FCSK: variants seen among roughly 807,000 people sequenced by gnomAD.
FCSK encodes fucose kinase, also known as L-fucose kinase.
FCSK carries 123 observed loss-of-function variants against 122.5 expected under a neutral mutation model. The observed-to-expected ratio is 1.00, with a 90% CI of 0.87 to 1.17. FCSK has a LOEUF of 1.17. Ranked by LOEUF, FCSK falls within the 50% of genes most tolerant of loss-of-function variation. The pLI is 0.00. For missense variants in FCSK, 1,366 were observed against 1,450.4 expected (o/e 0.94, Z 0.95); for synonymous variants, 620 against 625.5 (o/e 0.99, Z 0.13).
At chr16:70,467,255 G>A (rs930090415) in intron 6 of FCSK, 119 bp from the exon 7 acceptor site, 14 of 686,180 alleles carry the variant, frequency 2.0e-5, no homozygotes, top group Admixed American at 5.7e-5. Context: ...CTTGGAAACC[G>A]TATTTCCCTT....
At position 70,478,254 on chromosome 16, in the gene FCSK, C is replaced by T; in HGVS notation, c.2642-18C>T. Reference sequence around the variant, plus strand: ...TGGGCCAGATAGACTCCAACAGTGACAGTCCCTGGGCTCACAGGAGGTGGC... The same window carrying T: ...TGGGCCAGATAGACTCCAACAGTGATAGTCCCTGGGCTCACAGGAGGTGGC... On this transcript the variant is annotated intron_variant, in intron 20 of 23. Coordinates refer to ENST00000288078, the MANE Select transcript of FCSK (RefSeq NM_145059.3). 1.9e-6 allele frequency: 3 copies of T among 1,612,190 alleles called. No homozygotes were observed. The highest frequency in any genetic ancestry group is 2.5e-6 in the Non-Finnish European group (3 of 1,179,114).
chr16:70,460,519 C>G (rs1035014559), intron 1 of FCSK, among the ~76,000 whole-genome samples: 2 of 152,028 alleles, frequency 1.3e-5, no homozygotes, highest in East Asian at 1.9e-4. Flanking sequence ...ATTATTCTGA[C>G]TCAGCCTCCT....
chr16:70,478,533 C>T lies in FCSK; in HGVS notation c.2830-18C>T. The T allele has an allele frequency of 6.2e-7, 1 of 1,613,434 alleles. No homozygotes were observed. The highest frequency in any genetic ancestry group is 8.5e-7 in the Non-Finnish European group (1 of 1,179,798). On this transcript the variant is annotated intron_variant, in intron 21 of 23. Transcript: ENST00000288078. ...TGGGCCTGGGTCCTCACCACCCCTT[C>T]TCCTGCCCCGTCCGCAGGATGTGCT...
chr16:70,474,993 T>C lies in FCSK; in HGVS notation c.2359T>C (p.Cys787Arg), dbSNP rs757089566. 2 of 1,605,056 alleles carry C rather than the reference T, an allele frequency of 1.2e-6. No homozygotes were observed. The highest frequency in any genetic ancestry group is 1.1e-5 in the South Asian group (1 of 89,866). ...CRCLADLRDY[C>R]QPHAPGALLK... Reference sequence around the variant, plus strand: ...GTGCCTGGCTGACCTGCGGGACTACTGCCAGCCTCATGCCCCAGGTCAGGC... The same window carrying C: ...GTGCCTGGCTGACCTGCGGGACTACCGCCAGCCTCATGCCCCAGGTCAGGC... The change falls in exon 18 of 24, where the codon TGC (cysteine) becomes CGC (arginine). Residue 787 changes from cysteine (C) to arginine (R), a missense_variant. Transcript: ENST00000288078.
chr16:70,466,120 C>T lies in FCSK; in HGVS notation c.286-12C>T, dbSNP rs754566505. 4 of 1,612,968 alleles carry T rather than the reference C, an allele frequency of 2.5e-6. No homozygotes were observed. In the South Asian group the frequency reaches 3.3e-5, roughly 13 times the overall value. On this transcript the variant is annotated splice_polypyrimidine_tract_variant and intron_variant, in intron 4 of 23. Coordinates refer to ENST00000288078, the MANE Select transcript of FCSK (RefSeq NM_145059.3). ...TGCACTGAGGCTTCCTCACCAGTCC[C>T]CCGACTTCCAGGGTCGAGACTTCCC...
At chr16:70,462,608 A>G (rs2048300503) in intron 1 of FCSK, among the ~76,000 whole-genome samples, 1 of 147,900 alleles carries the variant, frequency 6.8e-6, no homozygotes, top group Non-Finnish European at 1.5e-5. Context: ...TTACAGATGT[A>G]AGCTACTATA....
Position 70,473,305 on chromosome 16 carries a change from G to A in FCSK, c.1729G>A (p.Ala577Thr). Residue 577 changes from alanine (A) to threonine (T), a missense_variant, in exon 15 of 24, where the codon GCT becomes ACT. Ala to Thr is a moderately conservative substitution (Grantham distance 58). Transcript: ENST00000288078. This position sits in a 1 kb window ranked among gnomAD's most constrained non-coding sequence, Gnocchi z 4.9. ...DLSLRPLIWA[A>T]VREGCPGPLL... Reference sequence around the variant, plus strand: ...CAGCCTGCGCCCGCTGATCTGGGCTGCTGTCCGCGAGGGCTGCCCCGGGCC... The same window carrying A: ...CAGCCTGCGCCCGCTGATCTGGGCTACTGTCCGCGAGGGCTGCCCCGGGCC... 6.6e-7 allele frequency: 1 copy of A among 1,523,712 alleles called. No homozygotes were observed. The highest frequency in any genetic ancestry group is 8.8e-7 in the Non-Finnish European group (1 of 1,134,870). The allele number at this position is 1,523,712 out of a possible 1,614,324, so 94.4% of individuals were successfully genotyped here.
In FCSK at chr16:70,472,534, C is replaced by A; in HGVS notation, c.1342-7C>A. Reference sequence around the variant, plus strand: ...TGCAGCCCTGACTGCTTCTTCCTCTCCCCCAGAGACAGGGGGCAGGCACAT... The same window carrying A: ...TGCAGCCCTGACTGCTTCTTCCTCTACCCCAGAGACAGGGGGCAGGCACAT... On this transcript the variant is annotated splice_region_variant and splice_polypyrimidine_tract_variant and intron_variant, in intron 13 of 23. Transcript: ENST00000288078. 6.2e-7 allele frequency: 1 copy of A among 1,610,668 alleles called. No individual in the cohort carries two copies. The highest frequency in any genetic ancestry group is 8.5e-7 in the Non-Finnish European group (1 of 1,178,152).
intron 8 of FCSK, 88 bp downstream of exon 8, chr16:70,468,054 G>A: frequency 1.0e-6 from 1 of 968,826 alleles, no homozygotes; most frequent in Non-Finnish European, 1.7e-6. Context: ...CCTTCTAGAA[G>A]CCTCCAGGAC....
At position 70,466,923 on chromosome 16, in the gene FCSK, C is replaced by T. The variant is rs375426430; in HGVS notation, c.453C>T (p.Thr151=). 1.9e-5 allele frequency: 31 copies of T among 1,613,834 alleles called. No individual in the cohort carries two copies. In the East Asian group the frequency reaches 2.5e-4, roughly 13 times the overall value. ...CGCCAGGCGTGTGGGTCTGCAGCAC[C>T]GACATGCTGCTGTCTGTTCCTGCAA... ...GSPPGVWVCS[T]DMLLSVPANP... is the part of the protein sequence containing the mutation. The change falls in exon 6 of 24, where the codon ACC becomes ACT. Residue 151 remains threonine, a synonymous_variant. Transcript: ENST00000288078.
chr16:70,478,701 C>T (rs917739779), intron 22 of FCSK, 51 bp downstream of exon 22: 14 of 1,511,128 alleles, frequency 9.3e-6, no homozygotes, highest in African/African-American at 5.5e-5. Context: ...AGTATTCTGT[C>T]ACTTGTGGGT....
At chr16:70,456,136 C>T (rs942882280) in intron 1 of FCSK, among the ~76,000 whole-genome samples, 1 of 152,198 alleles carries the variant, frequency 6.6e-6, no homozygotes, top group Admixed American at 6.5e-5. Context: ...CACATCACTG[C>T]GTTCCGCCCT....
chr16:70,475,297 C>G, intron 18 of FCSK, 53 bp from the exon 19 acceptor site: 1 of 1,595,228 alleles, frequency 6.3e-7, no homozygotes, highest in South Asian at 1.1e-5. Context: ...TGGGTGGGTG[C>G]CTGCGTCTGC....
intron 10 of FCSK, among the ~76,000 whole-genome samples, chr16:70,469,756 C>T (rs2048550316): frequency 6.6e-6 from 1 of 152,034 alleles, no homozygotes; most frequent in African/African-American, 2.4e-5. Context: ...TGGTCTTGAA[C>T]TCCTGGCCTC....
intron 1 of FCSK, among the ~76,000 whole-genome samples, chr16:70,457,114 C>T (rs991755694): frequency 6.6e-6 from 1 of 152,084 alleles, no homozygotes; most frequent in Non-Finnish European, 1.5e-5. Flanking sequence ...TGATACGCAA[C>T]CCAGGACTGT....
In FCSK at chr16:70,471,045, GA is replaced by G. The variant is rs1567704521; in HGVS notation, c.1144del (p.Ser382AlafsTer14). ...AGGGCCCTGTCCAGCTGGGTCCTGG[GA>G]GCGTCCTGCAGCACTGCCACCTGCA... ...LEGPVQLGPGSVLQHCHLQGP... is the reference protein window; with the variant it reads ...LEGPVQLGPGXVLQHCHLQGP... On this transcript the variant is annotated frameshift_variant, in exon 12 of 24. Transcript: ENST00000288078. LOFTEE classifies it high-confidence loss of function. The G allele has an allele frequency of 1.2e-6, 2 of 1,602,916 alleles. No individual in the cohort carries two copies. The highest frequency in any genetic ancestry group is 3.4e-5 in the Admixed American group (2 of 58,962).
intron 1 of FCSK, among the ~76,000 whole-genome samples, chr16:70,461,940 T>A (rs2048279489): frequency 6.6e-6 from 1 of 152,150 alleles, no homozygotes; most frequent in Admixed American, 6.6e-5. Flanking sequence ...AGCAGGACTA[T>A]TCACATCTGC....
Position 70,470,939 on chromosome 16 carries a change from C to T in FCSK, c.1069-32C>T, listed in dbSNP as rs1484962030. The T allele has an allele frequency of 3.3e-6, 5 of 1,516,944 alleles. No individual in the cohort carries two copies. The African/African-American group carries it at 7.6e-5, about 23-fold the overall frequency. The allele number at this position is 1,516,944 out of a possible 1,614,324, so 94.0% of individuals were successfully genotyped here. ...AGCTGGGGCAGCCCTGGGCCTCGAC[C>T]CCCCTCATGCTCCTCCTACCTGGCT... On this transcript the variant is annotated intron_variant, in intron 11 of 23. Coordinates refer to ENST00000288078, the MANE Select transcript of FCSK (RefSeq NM_145059.3).
At chr16:70,463,051 T>TCTC in intron 1 of FCSK, 118 bp from the exon 2 acceptor site, 1 of 601,326 alleles carries the variant, frequency 1.7e-6, no homozygotes, top group East Asian at 3.0e-5. Context: ...TGAGTGTAGA[T>TCTC]GGTGATACCA....
Sources: allele counts gnomAD v4.1 joint callset (sites outside exome capture counted in the v4.1 genomes callset), GRCh38; gene constraint gnomAD v4.1.1; non-coding constraint Gnocchi (gnomAD v3.1); transcripts MANE v1.5; gene names NCBI Gene and HGNC (gene_info 2026-07-23, HGNC 2026-07-21).